LYST: variants seen among roughly 807,000 people sequenced by gnomAD.
LYST encodes the protein lysosomal trafficking regulator, also known as lysosomal-trafficking regulator.
Under a neutral mutation model 413.6 loss-of-function variants are expected in LYST, and 192 were observed. That is an observed-to-expected ratio of 0.46 (90% CI 0.41 to 0.52). The LOEUF is 0.52. Among genes scored for constraint, LYST ranks in the 20% least tolerant of loss-of-function variants. LYST has a pLI of 0.00. For synonymous variants in LYST, 1,525 were observed against 1,567.3 expected, an observed-to-expected ratio of 0.97 and a Z score of 0.64; for missense variants, 3,815 against 4,499.9, an observed-to-expected ratio of 0.85 and a Z score of 4.35.
intron 48 of LYST, among the ~76,000 whole-genome samples, chr1:235,680,602 CTT>C (rs112884652): frequency 4.2e-5 from 6 of 142,374 alleles, no homozygotes; most frequent in Admixed American, 7.0e-5. Context: ...AAGTGATTTT[CTT>C]TTTTTTTTTT....
intron 40 of LYST, 69 bp downstream of exon 40, chr1:235,720,592 G>A (rs1663275697): frequency 6.6e-7 from 1 of 1,523,770 alleles, no homozygotes; most frequent in South Asian, 1.1e-5. Context: ...TTTTCATAAT[G>A]AAAACTTTAA....
intron 22 of LYST, among the ~76,000 whole-genome samples, chr1:235,760,387 C>A (rs924308244): frequency 3.9e-5 from 6 of 152,192 alleles, no homozygotes; most frequent in Non-Finnish European, 8.8e-5. Flanking sequence ...TTCTCTCTCT[C>A]CTCCATTTTT....
intron 7 of LYST, among the ~76,000 whole-genome samples, chr1:235,803,854 T>C (rs1032863978): frequency 7.9e-5 from 12 of 152,146 alleles, no homozygotes; most frequent in Non-Finnish European, 1.2e-4. Context: ...TAAAACATTA[T>C]ATATATGGCT....
chr1:235,686,844 A>C lies in LYST; in HGVS notation c.10800+105T>G. 1 of 876,224 alleles carries C rather than the reference A, an allele frequency of 1.1e-6. No individual in the cohort carries two copies. The highest frequency in any genetic ancestry group is 2.0e-6 in the Non-Finnish European group (1 of 509,036). 54.3% of individuals were successfully genotyped at this position (876,224 alleles called of 1,614,324 possible). A position where few individuals can be genotyped will look rare whatever the true frequency, so the allele number is the denominator to read the frequency against. On this transcript the variant is annotated intron_variant, in intron 48 of 52. Transcript: ENST00000389793. The surrounding 1 kb of genome is among the most constrained non-coding windows in gnomAD (Gnocchi z 4.0). ...TAATGTAGGGAGAAGATTAAGGTAT[A>C]AACATTTTAAGTTAATCTTATGCAA...
At position 235,805,784 on chromosome 1, in the gene LYST, T is replaced by C; in HGVS notation, c.3352A>G (p.Arg1118Gly). The change falls in exon 6 of 53, where the codon AGA (arginine) becomes GGA (glycine). Residue 1118 changes from arginine to glycine, a missense_variant. Arg to Gly is a moderately radical substitution (Grantham distance 125, BLOSUM62 -2). Around this residue, in one of 4 missense-constraint regions of LYST, gnomAD observed 1,648 missense variants for 1,810.3 expected, o/e 0.91. Coordinates refer to ENST00000389793, the MANE Select transcript of LYST (RefSeq NM_000081.4). ...AATTCCATCTTCTGTTGACTAGTTC[T>C]GGCACCATGAAGACAAATGGCCAGA... The part of the protein sequence containing the change: ...ALLAICLHGA[R>G]TSQQKMELEL... 6.2e-7 allele frequency: 1 copy of C among 1,613,646 alleles called. No individual in the cohort carries two copies. Among genetic ancestry groups the C allele is most frequent in the Non-Finnish European group, 8.5e-7 (1 of 1,179,832 alleles).
At position 235,808,535 on chromosome 1, in the gene LYST, T is replaced by G. The variant is rs1454862202; in HGVS notation, c.2283A>C (p.Val761=). Residue 761 remains valine, a synonymous_variant, in exon 5 of 53, where the codon GTA becomes GTC. Coordinates refer to ENST00000389793, the MANE Select transcript of LYST (RefSeq NM_000081.4). ...GCAAGCACTGGTTATGATGGCTACATACATGACTTTGAGCTGAAGTAACGC... is the reference window on the plus strand; with the variant it reads ...GCAAGCACTGGTTATGATGGCTACAGACATGACTTTGAGCTGAAGTAACGC... ...HLSVTSAQSH[V]CSHHNQCLPQ... is the part of the protein sequence containing the mutation. 1 of 1,613,684 alleles carries G rather than the reference T, an allele frequency of 6.2e-7. No homozygotes were observed. The highest frequency in any genetic ancestry group is 1.3e-5 in the African/African-American group (1 of 74,852).
intron 1 of LYST, among the ~76,000 whole-genome samples, chr1:235,881,394 C>T (rs956420818): frequency 2.0e-5 from 3 of 152,182 alleles, no homozygotes; most frequent in Non-Finnish European, 4.4e-5. Context: ...ATTGAAGATG[C>T]ATATTTAACA....
chr1:235,746,580 G>A, intron 28 of LYST, 53 bp from the exon 29 acceptor site: 2 of 1,402,346 alleles, frequency 1.4e-6, no homozygotes, highest in Non-Finnish European at 2.0e-6. Flanking sequence ...TAAGGATCAA[G>A]GAAACTATTT....
chr1:235,781,887 C>T (rs930973727), intron 15 of LYST, 40 bp downstream of exon 15: 2 of 1,368,532 alleles, frequency 1.5e-6, no homozygotes, highest in African/African-American at 2.9e-5. Flanking sequence ...CACTCTGTCG[C>T]CCAGGCTGAA....
At chr1:235,720,259 T>G (rs1216934969) in intron 40 of LYST, among the ~76,000 whole-genome samples, 1 of 150,452 alleles carries the variant, frequency 6.6e-6, no homozygotes, top group Non-Finnish European at 1.5e-5. Flanking sequence ...ATGGACCTGA[T>G]TCAAGACAAC....
At chr1:235,668,060 A>G (rs1658641479) in intron 50 of LYST, among the ~76,000 whole-genome samples, 1 of 152,160 alleles carries the variant, frequency 6.6e-6, no homozygotes, top group African/African-American at 2.4e-5. Flanking sequence ...TTGGATAATA[A>G]TAAGAAAAAA....
Position 235,712,466 on chromosome 1 carries a change from A to G in LYST, c.9785-269T>C, listed in dbSNP as rs544320044. 1.5e-5 allele frequency: 6 copies of G among 411,574 alleles called. No homozygotes were observed. The East Asian group carries it at 6.1e-4, about 42-fold the overall frequency. The allele number at this position is 411,574 out of a possible 1,614,324, so 25.5% of individuals were successfully genotyped here. On this transcript the variant is annotated intron_variant, in intron 42 of 52. Coordinates refer to ENST00000389793, the MANE Select transcript of LYST (RefSeq NM_000081.4). The stretch of plus-strand genomic sequence containing the variant: ...CTATTTGTTTAATTTTCGTCTATCT[A>G]TCAAAGTAGAATGAAAGTTCCACAA...
intron 14 of LYST, 35 bp downstream of exon 14, chr1:235,787,165 G>C: frequency 6.6e-7 from 1 of 1,520,556 alleles, no homozygotes; most frequent in Non-Finnish European, 9.1e-7. Context: ...CATTGTAACT[G>C]AGATTGAGAT....
intron 3 of LYST, among the ~76,000 whole-genome samples, chr1:235,822,800 G>A (rs1293362638): frequency 6.6e-6 from 1 of 152,170 alleles, no homozygotes; most frequent in Admixed American, 6.5e-5. Context: ...ATGTTGTTAT[G>A]TGACTTCTTG....
intron 1 of LYST, among the ~76,000 whole-genome samples, chr1:235,852,348 G>A (rs1678640335): frequency 6.6e-6 from 1 of 152,170 alleles, no homozygotes; most frequent in Non-Finnish European, 1.5e-5. Flanking sequence ...AGAGATTCCT[G>A]TACCTCAAAG....
chr1:235,847,059 C>T (rs189843359), intron 1 of LYST, among the ~76,000 whole-genome samples: 6 of 152,218 alleles, frequency 3.9e-5, no homozygotes, highest in African/African-American at 7.2e-5. Flanking sequence ...AAGATCTTCG[C>T]GTAGGCACAT....
intron 1 of LYST, among the ~76,000 whole-genome samples, chr1:235,874,144 A>T (rs999374884): frequency 2.6e-5 from 4 of 152,210 alleles, no homozygotes; most frequent in Admixed American, 2.6e-4. Flanking sequence ...GATTCTGAAT[A>T]TTTACAGTTT....
At chr1:235,681,342 G>A (rs1471641163) in intron 48 of LYST, among the ~76,000 whole-genome samples, 1 of 152,178 alleles carries the variant, frequency 6.6e-6, no homozygotes, top group Non-Finnish European at 1.5e-5. Flanking sequence ...GAAACGTGGT[G>A]GTGAGGTAGA....
intron 50 of LYST, among the ~76,000 whole-genome samples, chr1:235,666,590 GCACACACACACACACATA>G (rs1463035422): frequency 2.4e-4 from 18 of 74,532 alleles, no homozygotes. Flanking sequence ...AGACACACAT[GCACACACACACACACATA>G]CACACACACA....
Sources: gnomAD v4.1 joint callset for allele counts (sites outside exome capture counted in the v4.1 genomes callset) on GRCh38, gnomAD v4.1.1 for gene constraint, gnomAD v4.1.1 regional missense constraint, Gnocchi (gnomAD v3.1) non-coding constraint, MANE v1.5 for transcripts, NCBI Gene and HGNC (gene_info 2026-07-23, HGNC 2026-07-21) for gene names.